Variants in ATP11A observed in about 807,000 individuals in gnomAD.
ATP11A encodes ATPase phospholipid transporting 11A.
Under a neutral mutation model 154.4 loss-of-function variants are expected in ATP11A, and 81 were observed. The ratio of observed to expected loss-of-function variants is 0.52; its 90% CI spans 0.44 to 0.63. The LOEUF (loss-of-function observed/expected upper bound fraction) is 0.63. Among genes scored for constraint, ATP11A ranks in the 30% least tolerant of loss-of-function variants. ATP11A has a pLI of 0.00. For missense variants in ATP11A, 1,316 were observed against 1,474.3 expected (o/e 0.89, Z 1.76); for synonymous variants, 623 against 585.9 (o/e 1.06, Z -0.91).
In ATP11A at chr13:112,696,056, C is replaced by T. The variant is rs1055801805; in HGVS notation, c.39+5601C>T. Among the ~76,000 whole-genome samples, 2 of 152,182 alleles carry T rather than the reference C, an allele frequency of 1.3e-5. No homozygotes were observed. The highest frequency in any genetic ancestry group is 4.8e-5 in the African/African-American group (2 of 41,446). The stretch of plus-strand genomic sequence containing the variant: ...ACAGACCCACATTCAAGTTCCGTCT[C>T]GGCTGACGGCTGCGTGGCCTTGGCA... On this transcript the variant is annotated intron_variant, in intron 1 of 29. Coordinates refer to ENST00000375645, the MANE Select transcript of ATP11A (RefSeq NM_015205.3). The surrounding 1 kb of genome is among the most constrained non-coding windows in gnomAD (Gnocchi z 6.2).
intron 1 of ATP11A, among the ~76,000 whole-genome samples, chr13:112,714,875 G>GC (rs978006220): frequency 1.4e-4 from 22 of 152,192 alleles, no homozygotes; most frequent in South Asian, 2.1e-4. Flanking sequence ...CATCACCACT[G>GC]CCCCCCCGCA....
intron 1 of ATP11A, among the ~76,000 whole-genome samples, chr13:112,724,176 C>T (rs549166844): frequency 1.3e-3 from 179 of 139,116 alleles, no homozygotes; most frequent in Non-Finnish European, 2.2e-3. Context: ...TCTCCCCCAT[C>T]GCCCTCTTCG....
intron 2 of ATP11A, among the ~76,000 whole-genome samples, chr13:112,801,679 T>G (rs565494903): frequency 1.1e-3 from 169 of 152,304 alleles, no homozygotes; most frequent in Non-Finnish European, 1.5e-3. Context: ...CAACACTATT[T>G]ACATTTAACC....
chr13:112,712,609 C>G (rs931101836), intron 1 of ATP11A, among the ~76,000 whole-genome samples: 3 of 152,212 alleles, frequency 2.0e-5, no homozygotes, highest in Non-Finnish European at 4.4e-5. Context: ...CAGCTAGCGT[C>G]CACAGCCCCT....
At chr13:112,773,681 CTG>C (rs1197262182) in intron 1 of ATP11A, among the ~76,000 whole-genome samples, 1 of 152,192 alleles carries the variant, frequency 6.6e-6, no homozygotes, top group African/African-American at 2.4e-5. Context: ...TTCCTCAACA[CTG>C]TTGATAGCAG....
At chr13:112,748,320 GTAGA>G (rs371776275) in intron 1 of ATP11A, among the ~76,000 whole-genome samples, 12 of 152,218 alleles carry the variant, frequency 7.9e-5, no homozygotes, top group African/African-American at 2.9e-4. Context: ...CGATCATGTA[GTAGA>G]TATATTTATT....
intron 12 of ATP11A, among the ~76,000 whole-genome samples, chr13:112,827,515 A>G (rs1437624433): frequency 6.6e-6 from 1 of 152,240 alleles, no homozygotes; most frequent in Non-Finnish European, 1.5e-5. Flanking sequence ...GGAGGCACAC[A>G]CCAGACCTGC....
chr13:112,770,860 G>A (rs1317562751), intron 1 of ATP11A, among the ~76,000 whole-genome samples: 1 of 152,178 alleles, frequency 6.6e-6, no homozygotes, highest in Non-Finnish European at 1.5e-5. Flanking sequence ...AACAAGAAAC[G>A]TTGCTGTTTG....
chr13:112,702,362 A>G (rs1886657460), intron 1 of ATP11A, among the ~76,000 whole-genome samples: 1 of 150,696 alleles, frequency 6.6e-6, no homozygotes. Flanking sequence ...AAAAAAAAAA[A>G]GAAACCACTG....
At chr13:112,756,538 C>T (rs1044412834) in intron 1 of ATP11A, among the ~76,000 whole-genome samples, 2 of 152,212 alleles carry the variant, frequency 1.3e-5, no homozygotes, top group African/African-American at 4.8e-5. Context: ...GACCTTACCT[C>T]CCAGGGTCTA....
chr13:112,866,296 T>C (rs2080330015), intron 25 of ATP11A, among the ~76,000 whole-genome samples: 1 of 152,206 alleles, frequency 6.6e-6, no homozygotes, highest in Non-Finnish European at 1.5e-5. Flanking sequence ...TGTTAGCCGC[T>C]GCTGCCCCAC....
Position 112,782,364 on chromosome 13 carries a change from G to A in ATP11A, c.40-2771G>A, listed in dbSNP as rs191387050. Among the ~76,000 whole-genome samples, 363 of 152,296 alleles carry A rather than the reference G, an allele frequency of 2.4e-3. 2 individuals are homozygous for A. Among genetic ancestry groups the A allele is most frequent in the Non-Finnish European group, 3.9e-3 (265 of 68,016 alleles). On this transcript the variant is annotated intron_variant, in intron 1 of 29. Coordinates refer to ENST00000375645, the MANE Select transcript of ATP11A (RefSeq NM_015205.3). ...TGGCCACTCCTGAAATTCAGTTGCCGTCTTTGAAGCTTCGAAGAAAGTTTC... is the reference window on the plus strand; with the variant it reads ...TGGCCACTCCTGAAATTCAGTTGCCATCTTTGAAGCTTCGAAGAAAGTTTC...
intron 1 of ATP11A, among the ~76,000 whole-genome samples, chr13:112,731,496 A>G (rs1200902796): frequency 1.3e-5 from 2 of 152,172 alleles, no homozygotes; most frequent in East Asian, 1.9e-4. Flanking sequence ...GTAGTTGATA[A>G]TCAATTGCAC....
intron 17 of ATP11A, among the ~76,000 whole-genome samples, chr13:112,846,942 C>T (rs2079626699): frequency 6.6e-6 from 1 of 152,206 alleles, no homozygotes; most frequent in African/African-American, 2.4e-5. Context: ...GCTGTCCCAC[C>T]CTCCTCCTAA....
intron 1 of ATP11A, among the ~76,000 whole-genome samples, chr13:112,775,316 TGCCTTA>T (rs2077321527): frequency 6.6e-6 from 1 of 152,220 alleles, no homozygotes; most frequent in African/African-American, 2.4e-5. Flanking sequence ...TATCCGACTC[TGCCTTA>T]GCCCCGTCCT....
intron 29 of ATP11A, 106 bp downstream of exon 29, chr13:112,878,409 C>G (rs949444216): frequency 4.0e-6 from 5 of 1,240,694 alleles, no homozygotes; most frequent in Non-Finnish European, 5.8e-6. Flanking sequence ...CAGCGTCCAC[C>G]AGGCGCTGGG....
At chr13:112,871,906 G>A in intron 26 of ATP11A, 106 bp downstream of exon 26, 18 of 1,237,580 alleles carry the variant, frequency 1.5e-5, no homozygotes, top group Non-Finnish European at 1.2e-6. Context: ...ACTGAGGCTG[G>A]AAGCCACTCT....
Position 112,862,526 on chromosome 13 carries a change from T to C in ATP11A, c.2942T>C (p.Phe981Ser), listed in dbSNP as rs763785736. ...LGLFDALVFF[F>S]GAYFVFENTT... ...CTGTTTGACGCACTGGTGTTCTTCT[T>C]TGGTGCTTATTTCGTGTTTGAAAAT... The change falls in exon 25 of 30, where the codon TTT becomes TCT. Residue 981 changes from phenylalanine (F) to serine (S), a missense_variant. This residue lies in a region of ATP11A where 294 missense variants were observed against 290.2 expected (regional missense o/e 1.01). Transcript: ENST00000375645. 1.3e-5 allele frequency: 21 copies of C among 1,614,094 alleles called. No individual in the cohort carries two copies. In the East Asian group the frequency reaches 4.7e-4, roughly 36 times the overall value.
intron 17 of ATP11A, among the ~76,000 whole-genome samples, chr13:112,848,071 A>G (rs1024772786): frequency 1.3e-5 from 2 of 152,338 alleles, no homozygotes; most frequent in East Asian, 1.9e-4. Context: ...TCCACGGGCA[A>G]CTGAGTAAGA....
Sources: allele counts gnomAD v4.1 joint callset (sites outside exome capture counted in the v4.1 genomes callset), GRCh38; gene constraint gnomAD v4.1.1; regional missense constraint gnomAD v4.1.1; non-coding constraint Gnocchi (gnomAD v3.1); transcripts MANE v1.5; gene names NCBI Gene and HGNC (gene_info 2026-07-23, HGNC 2026-07-21).